TG: variants seen among roughly 807,000 people sequenced by gnomAD.
The protein encoded by TG is thyroid hormones.
TG carries 270 observed loss-of-function variants against 324.7 expected under a neutral mutation model. That is an observed-to-expected ratio of 0.83 (90% CI 0.75 to 0.92). The LOEUF (loss-of-function observed/expected upper bound fraction) is 0.92. TG is among the 40% of genes least tolerant of loss of function. The pLI, the probability that TG is intolerant of heterozygous loss-of-function variation, is 0.00. For missense variants in TG, 3,591 were observed against 3,456.4 expected (o/e 1.04, Z -0.98); for synonymous variants, 1,401 against 1,327.0 (o/e 1.06, Z -1.21).
At chr8:133,004,326 C>T (rs1475267732) in intron 35 of TG, among the ~76,000 whole-genome samples, 1 of 152,208 alleles carries the variant, frequency 6.6e-6, no homozygotes, top group Non-Finnish European at 1.5e-5. Context: ...CTGTCAATTA[C>T]CACCTCAATG....
intron 5 of TG, among the ~76,000 whole-genome samples, chr8:132,874,029 G>T (rs1049444054): frequency 6.6e-6 from 1 of 152,116 alleles, no homozygotes; most frequent in East Asian, 1.9e-4. Flanking sequence ...AAAATTAGCC[G>T]GGCGTGGTGG....
chr8:133,089,195 C>G (rs1229326603), intron 41 of TG, among the ~76,000 whole-genome samples: 1 of 152,228 alleles, frequency 6.6e-6, no homozygotes, highest in African/African-American at 2.4e-5. Context: ...CAGTCCATCC[C>G]ACAGTCAACT....
At chr8:132,895,920 G>A (rs573618092) in intron 11 of TG, among the ~76,000 whole-genome samples, 6 of 152,322 alleles carry the variant, frequency 3.9e-5, no homozygotes, top group African/African-American at 1.2e-4. Context: ...CACATGCTCC[G>A]CTTTGCATGT....
chr8:133,113,724 C>T (rs1850461802), intron 44 of TG, 121 bp downstream of exon 44: 1 of 1,154,940 alleles, frequency 8.7e-7, no homozygotes, highest in Non-Finnish European at 1.2e-6. Context: ...GTTTCCTCTG[C>T]ATCATTCATT....
chr8:133,118,320 C>CTTTTTTT (rs34171048), intron 45 of TG, among the ~76,000 whole-genome samples: 12 of 88,954 alleles, frequency 1.3e-4, no homozygotes, highest in East Asian at 3.1e-4. Flanking sequence ...CAGATTCTTC[C>CTTTTTTT]TTTTTTTTTT....
intron 27 of TG, among the ~76,000 whole-genome samples, chr8:132,951,373 C>T (rs190892798): frequency 2.0e-5 from 3 of 152,214 alleles, no homozygotes; most frequent in East Asian, 3.9e-4. Flanking sequence ...AAAATCAAAT[C>T]GCTTATTTAT....
rs187240537 is a variant in TG, at chr8:133,085,956, A to T, written c.7240-9088A>T. On this transcript the variant is annotated intron_variant, in intron 41 of 47. Transcript: ENST00000220616. ...ACAGCATTATTCATAATTGGCAAAA[A>T]GTAGAAACAACCCAAATGTTTACCA... Among the ~76,000 whole-genome samples the T allele has an allele frequency of 3.2e-4, 49 of 152,356 alleles. No homozygotes were observed. The East Asian group carries it at 7.7e-3, about 24-fold the overall frequency.
At position 132,867,095 on chromosome 8, in the gene TG, G is replaced by A. The variant is rs373597691; in HGVS notation, c.67+28G>A. On this transcript the variant is annotated intron_variant, in intron 1 of 47. Coordinates refer to ENST00000220616, the MANE Select transcript of TG (RefSeq NM_003235.5). The stretch of plus-strand genomic sequence containing the variant: ...AAGTTCTGAGGCCATGGAGCCAGGC[G>A]GTGGGGAGGGAGCTCCAGTGTCAGC... The A allele has an allele frequency of 2.9e-4, 452 of 1,577,290 alleles. 2 individuals carry two copies. Among genetic ancestry groups the A allele is most frequent in the South Asian group, 1.4e-3 (124 of 86,782 alleles).
rs369675355 is a variant in TG at position 132,893,719 on chromosome 8, C to G, written c.2791C>G (p.Arg931Gly). The change falls in exon 11 of 48, where the codon CGT becomes GGT. Residue 931 changes from arginine to glycine, a missense_variant. Arg to Gly is a moderately radical substitution (Grantham distance 125). Coordinates refer to ENST00000220616, the MANE Select transcript of TG (RefSeq NM_003235.5). ...CPGSCEEAKLRVLQFIRETEE... is the reference protein window; with the variant it reads ...CPGSCEEAKLGVLQFIRETEE... ...TGGCTCCTGTGAGGAAGCAAAGCTC[C>G]GTGTACTGCAGTTCATTAGGGAAAC... 8.7e-6 allele frequency: 14 copies of G among 1,613,856 alleles called. No individual in the cohort carries two copies. The highest frequency in any genetic ancestry group is 3.3e-5 in the South Asian group (3 of 91,078).
At chr8:132,949,939 A>G (rs1404345918) in intron 27 of TG, among the ~76,000 whole-genome samples, 4 of 152,156 alleles carry the variant, frequency 2.6e-5, no homozygotes, top group Non-Finnish European at 2.9e-5. Context: ...CCAACCATGT[A>G]CCACTGATGT....
In TG at chr8:132,968,729, C is replaced by G. The variant is rs552141956; in HGVS notation, c.5864-729C>G. On this transcript the variant is annotated intron_variant, in intron 31 of 47. Transcript: ENST00000220616. ...TGTTGGGTTGCCCTTTGGGGAATTCCTCATGCCAGTATTTTTAGGTTCCTC... is the reference window on the plus strand; with the variant it reads ...TGTTGGGTTGCCCTTTGGGGAATTCGTCATGCCAGTATTTTTAGGTTCCTC... Among the ~76,000 whole-genome samples the G allele has an allele frequency of 2.7e-4, 41 of 152,330 alleles. No homozygotes were observed. In the South Asian group the frequency reaches 3.9e-3, roughly 15 times the overall value.
chr8:133,121,490 G>A (rs1851137777), intron 45 of TG, among the ~76,000 whole-genome samples: 1 of 152,178 alleles, frequency 6.6e-6, no homozygotes, highest in Non-Finnish European at 1.5e-5. Flanking sequence ...ATTTTTAGAG[G>A]AAAGAGACAC....
At chr8:132,911,955 G>A (rs1045893314) in intron 19 of TG, among the ~76,000 whole-genome samples, 2 of 152,232 alleles carry the variant, frequency 1.3e-5, no homozygotes, top group Non-Finnish European at 2.9e-5. Flanking sequence ...AGAGGAGAGA[G>A]AGAAGAATGG....
In TG at chr8:132,886,551, G is replaced by A; in HGVS notation, c.1179G>A (p.Glu393=). 6.2e-7 allele frequency: 1 copy of A among 1,614,202 alleles called. No individual in the cohort carries two copies. Among genetic ancestry groups the A allele is most frequent in the African/African-American group, 1.3e-5 (1 of 75,030 alleles). The stretch of plus-strand genomic sequence containing the variant: ...AGCACGACCTGTTCTCTTCCCCAGA[G>A]AAAAGATGGGCCTCTCCAAGAGTAG... The part of the protein sequence containing the change: ...FSQHDLFSSP[E]KRWASPRVAR... Residue 393 remains glutamate, a synonymous_variant, in exon 9 of 48, where the codon GAG becomes GAA. Transcript: ENST00000220616.
chr8:132,980,115 G>A (rs1246224459), intron 34 of TG, among the ~76,000 whole-genome samples: 1 of 152,078 alleles, frequency 6.6e-6, no homozygotes, highest in Admixed American at 6.5e-5. Flanking sequence ...AAGAGCTTTT[G>A]AGTCCCTTGG....
At chr8:133,116,482 T>C in intron 44 of TG, 127 bp from the exon 45 acceptor site, 1 of 765,194 alleles carries the variant, frequency 1.3e-6, no homozygotes, top group Non-Finnish European at 2.3e-6. Context: ...GAAGAAGGTG[T>C]TCTTGTAGGC....
rs770395012 is a variant in TG, at chr8:132,888,324, C to A, written c.2517C>A (p.Tyr839Ter). The change falls in exon 10 of 48, where the codon TAC becomes TAA. Residue 839 changes from tyrosine (Y) to a stop codon, truncating the protein, a stop_gained. Coordinates refer to ENST00000220616, the MANE Select transcript of TG (RefSeq NM_003235.5). LOFTEE classifies it high-confidence loss of function. ...QQDVFPVLSQ[Y>*]PSLQDVPLAA... is the part of the protein sequence containing the mutation. ...ATGTCTTCCCGGTGCTGTCACAATA[C>A]CCTTCTCTGCAAGATGTCCCACTAG... The A allele has an allele frequency of 6.2e-7, 1 of 1,614,078 alleles. No homozygotes were observed. The highest frequency in any genetic ancestry group is 1.7e-5 in the Admixed American group (1 of 59,994).
chr8:132,907,283 G>C (rs1367713420), intron 17 of TG, among the ~76,000 whole-genome samples: 1 of 152,154 alleles, frequency 6.6e-6, no homozygotes, highest in Non-Finnish European at 1.5e-5. Context: ...CCCAGCCTCT[G>C]AGTGACCCTG....
intron 39 of TG, 83 bp from the exon 40 acceptor site, chr8:133,021,908 C>G (rs1835601382): frequency 6.4e-7 from 1 of 1,567,368 alleles, no homozygotes; most frequent in Admixed American, 1.7e-5. Flanking sequence ...CAGAGGAGTC[C>G]TGTGTCAACC....
Sources: gnomAD v4.1 joint callset for allele counts (sites outside exome capture counted in the v4.1 genomes callset) on GRCh38, gnomAD v4.1.1 for gene constraint, MANE v1.5 for transcripts, NCBI Gene and HGNC (gene_info 2026-07-23, HGNC 2026-07-21) for gene names.